The following NDRG2 variants were observed in gnomAD, a reference collection of about 807,000 sequenced individuals.
NDRG2 encodes the protein NDRG family member 2, also known as protein NDRG2.
A neutral mutation model predicts 58.2 loss-of-function variants in NDRG2; 34 were observed. The observed-to-expected ratio is 0.58, with a 90% CI of 0.44 to 0.78. The LOEUF (loss-of-function observed/expected upper bound fraction) is 0.78, where lower values mean the gene tolerates loss of function less well. Ranked by LOEUF, NDRG2 falls within the 30% of genes least tolerant of loss-of-function variation. The pLI, the probability that NDRG2 is intolerant of heterozygous loss-of-function variation, is 0.00. For missense variants in NDRG2, 434 were observed against 471.2 expected (o/e 0.92, Z 0.73); for synonymous variants, 187 against 175.9 (o/e 1.06, Z -0.50).
Position 21,019,627 on chromosome 14 carries a change from C to G in NDRG2, c.716+12G>C. The G allele has an allele frequency of 6.3e-7, 1 of 1,581,058 alleles. No homozygotes were observed. Among genetic ancestry groups the G allele is most frequent in the East Asian group, 2.2e-5 (1 of 44,748 alleles). On this transcript the variant is annotated intron_variant, in intron 10 of 15. Transcript: ENST00000556147. ...CATTTCTCTCACATGCATACACACA[C>G]AGCCCACCCACTTGTTGTAGCTGTT...
chr14:21,018,848 C>T lies in NDRG2; in HGVS notation c.762-34G>A, dbSNP rs143425044. 284 of 1,613,338 alleles carry T rather than the reference C, an allele frequency of 1.8e-4. No homozygotes were observed. The Middle Eastern group carries it at 1.8e-3, about 10-fold the overall frequency. On this transcript the variant is annotated intron_variant, in intron 11 of 15. Coordinates refer to ENST00000556147, the MANE Select transcript of NDRG2 (RefSeq NM_001320329.2). ...ACAGTGTTGGGGAGAAGGCAGTGAGCCCCTGGCACTCCCTCACTGGCCTCT... is the reference window on the plus strand; with the variant it reads ...ACAGTGTTGGGGAGAAGGCAGTGAGTCCCTGGCACTCCCTCACTGGCCTCT...
At chr14:21,025,730 G>T, upstream of NDRG2, 5 of 810,460 alleles carry the variant, frequency 6.2e-6, no homozygotes, top group Non-Finnish European at 7.4e-6. The surrounding 1 kb of genome is among the most constrained non-coding windows in gnomAD (Gnocchi z 5.1). Flanking sequence ...TCCGGGAGAA[G>T]TTGGACAACA....
chr14:21,018,171 C>G, intron 14 of NDRG2, 33 bp downstream of exon 14: 1 of 1,613,106 alleles, frequency 6.2e-7, no homozygotes, highest in South Asian at 1.1e-5. Context: ...TCCTATGTCC[C>G]TTCCCCATCC....
chr14:21,042,833 G>A, intron 1 of NDRG2: 1 of 634,410 alleles, frequency 1.6e-6, no homozygotes, highest in African/African-American at 1.8e-5. Context: ...ACACACAGAA[G>A]AAGAGGCAGA....
chr14:21,018,053 A>G lies in NDRG2; in HGVS notation c.898-15T>C. The G allele has an allele frequency of 1.9e-6, 3 of 1,613,266 alleles. No individual in the cohort carries two copies. Among genetic ancestry groups the G allele is most frequent in the Non-Finnish European group, 2.5e-6 (3 of 1,179,210 alleles). On this transcript the variant is annotated splice_polypyrimidine_tract_variant and intron_variant, in intron 14 of 15. Coordinates refer to ENST00000556147, the MANE Select transcript of NDRG2 (RefSeq NM_001320329.2). ...AGCTTGCCTGGCTGCGGAAGTAAGA[A>G]GAGGCGAGGGAGACGGTGAGATGAG... is the stretch of plus-strand genomic sequence containing the variant.
rs4981349 is a variant in NDRG2, at chr14:21,018,228, G to A, written c.873C>T (p.Ser291=). The A allele has an allele frequency of 0.017, 27,884 of 1,613,616 alleles. 787 individuals carry two copies. Among genetic ancestry groups the A allele is most frequent in the East Asian group, 0.15 (6,619 of 44,860 alleles). ...CCTGAGTCAGCTGGGGCTGACCTCC[G>A]GAGTCAGCCATCTGTTCAGGAGAGC... The part of the protein sequence containing the change: ...TQTSFLKMAD[S]GGQPQLTQPG... The change falls in exon 14 of 16, where the codon TCC becomes TCT. Residue 291 remains serine, a synonymous_variant. Transcript: ENST00000556147.
upstream of NDRG2, among the ~76,000 whole-genome samples, chr14:21,027,246 G>T (rs1050536132): frequency 1.3e-5 from 2 of 152,158 alleles, no homozygotes; most frequent in African/African-American, 4.8e-5. Context: ...CCCAACCAGG[G>T]TGTAAGTGTT....
intron 6 of NDRG2, chr14:21,021,055 A>G (rs1012599795): frequency 3.0e-6 from 2 of 676,230 alleles, no homozygotes; most frequent in Non-Finnish European, 5.4e-6. Context: ...GTCTATCCCC[A>G]GCTTTCTGCT....
rs1877283102 is a variant in NDRG2 at position 21,017,270 on chromosome 14, C to T, written c.*326G>A. The T allele has an allele frequency of 2.5e-6, 1 of 406,390 alleles. No individual in the cohort carries two copies. Among genetic ancestry groups the T allele is most frequent in the Non-Finnish European group, 4.7e-6 (1 of 213,090 alleles). The allele number at this position is 406,390 out of a possible 1,614,324, so 25.2% of individuals were successfully genotyped here. On this transcript the variant is annotated 3_prime_UTR_variant, in exon 16 of 16. Transcript: ENST00000556147. ...GAGTCTGATGGAGGCACCAGGACAA[C>T]TACAACAACCTCTTACCCCTCAGCT...
chr14:21,038,502 C>T (rs1367186050), intron 1 of NDRG2, among the ~76,000 whole-genome samples: 1 of 152,084 alleles, frequency 6.6e-6, no homozygotes, highest in Non-Finnish European at 1.5e-5. Flanking sequence ...GAAAGTTTTC[C>T]TGAAGGGTCA....
At chr14:21,034,436 G>A (rs981231048) in intron 1 of NDRG2, 2 of 652,722 alleles carry the variant, frequency 3.1e-6, no homozygotes, top group Non-Finnish European at 5.2e-6. Context: ...CCCAGAAAGA[G>A]GAGATGCTTG....
intron 1 of NDRG2, chr14:21,032,225 A>C: frequency 8.2e-6 from 7 of 854,844 alleles, no homozygotes; most frequent in Non-Finnish European, 1.3e-5. Context: ...GAGAGGGAGA[A>C]GAGGCAGCAC....
intron 1 of NDRG2, among the ~76,000 whole-genome samples, chr14:21,054,683 A>G (rs1415656016): frequency 6.6e-6 from 1 of 152,346 alleles, no homozygotes; most frequent in Non-Finnish European, 1.5e-5. Flanking sequence ...CCGAATTTCA[A>G]ATCCCGGCCC....
intron 1 of NDRG2, among the ~76,000 whole-genome samples, chr14:21,046,542 A>AATACATACATACATAC (rs71112542): frequency 1.8e-5 from 2 of 109,984 alleles, no homozygotes; most frequent in Non-Finnish European, 2.2e-5. Flanking sequence ...TCTCAAAACA[A>AATACATACATACATAC]ATACATACAT....
In NDRG2 at chr14:21,019,992, A is replaced by T. The variant is rs375428086; in HGVS notation, c.556-16T>A. ...GGCCTGTTAGCTATGAGGAGAAGGC[A>T]GGTGAGAAAGTTCAGGGTATTGGCC... On this transcript the variant is annotated splice_polypyrimidine_tract_variant and intron_variant, in intron 8 of 15. Transcript: ENST00000556147. The T allele has an allele frequency of 6.2e-7, 1 of 1,612,428 alleles. No homozygotes were observed. Among genetic ancestry groups the T allele is most frequent in the South Asian group, 1.1e-5 (1 of 90,920 alleles).
chr14:21,033,921 C>A lies in NDRG2; in HGVS notation c.25-10600G>T, dbSNP rs751466358. 1.5e-5 allele frequency: 25 copies of A among 1,614,030 alleles called. 1 individual carries two copies. The South Asian group carries it at 2.7e-4, about 18-fold the overall frequency. ...GTTGGTTAGGGTGCTATTGTAGTAG[C>A]AGCTAGTGGGTGGCTGTTGGTGGCT... On this transcript the variant is annotated intron_variant, in intron 1 of 14. Transcript: ENST00000403829.
chr14:21,050,334 T>C (rs1885408984), intron 1 of NDRG2, among the ~76,000 whole-genome samples: 1 of 152,076 alleles, frequency 6.6e-6, no homozygotes, highest in African/African-American at 2.4e-5. Flanking sequence ...TAAATAAGGA[T>C]ATGCAACAAG....
At chr14:21,043,989 G>A in intron 1 of NDRG2, 1 of 169,568 alleles carries the variant, frequency 5.9e-6, no homozygotes, top group Admixed American at 6.3e-5. Flanking sequence ...GGAAATTAAG[G>A]TTTTAGAAAG....
rs763736025 is a variant in NDRG2 at position 21,023,242 on chromosome 14, T to C, written c.74A>G (p.Lys25Arg). ...GGGAGTCAAACGGTCTCTAATAACCTTGGCCGCCTCAGGCGTCTGTCCTGG... is the reference window on the plus strand; with the variant it reads ...GGGAGTCAAACGGTCTCTAATAACCCTGGCCGCCTCAGGCGTCTGTCCTGG... ...LLPGQTPEAA[K>R]EAELAARILL... The change falls in exon 2 of 16, where the codon AAG (lysine) becomes AGG (arginine). Residue 25 changes from lysine (K) to arginine (R), a missense_variant and splice_region_variant. Physicochemically the swap from Lys to Arg is conservative, Grantham distance 26. Transcript: ENST00000556147. 2 of 1,613,832 alleles carry C rather than the reference T, an allele frequency of 1.2e-6. No homozygotes were observed. The highest frequency in any genetic ancestry group is 1.1e-5 in the South Asian group (1 of 90,986).
Sources: gnomAD v4.1 joint callset for allele counts (sites outside exome capture counted in the v4.1 genomes callset) on GRCh38, gnomAD v4.1.1 for gene constraint, Gnocchi (gnomAD v3.1) non-coding constraint, MANE v1.5 for transcripts, NCBI Gene and HGNC (gene_info 2026-07-23, HGNC 2026-07-21) for gene names.